CALD1: variants seen among roughly 807,000 people sequenced by gnomAD.
CALD1 encodes caldesmon.
A neutral mutation model predicts 99.9 loss-of-function variants in CALD1; 33 were observed. That is an observed-to-expected ratio of 0.33 (90% CI 0.25 to 0.44). The LOEUF is 0.44. CALD1 is among the 20% of genes least tolerant of loss of function. The probability of loss-of-function intolerance (pLI) is 1.00; values close to 1 mark genes in which losing one functional copy is unlikely to be tolerated. For synonymous variants in CALD1, 310 were observed against 325.0 expected, an observed-to-expected ratio of 0.95 and a Z score of 0.50; for missense variants, 861 against 962.1, an observed-to-expected ratio of 0.89 and a Z score of 1.39.
At chr7:134,920,834 GA>G in intron 3 of CALD1, 1 of 470,176 alleles carries the variant, frequency 2.1e-6, no homozygotes, top group Non-Finnish European at 3.8e-6. Context: ...CAAAATATAG[GA>G]ATGTGCAGAA....
intron 1 of CALD1, among the ~76,000 whole-genome samples, chr7:134,760,228 T>C (rs1043092034): frequency 2.4e-4 from 36 of 152,092 alleles, no homozygotes; most frequent in African/African-American, 8.7e-4. Context: ...TGGTAGGAAA[T>C]CAAATGTGAG....
At chr7:134,808,799 C>T (rs1798248073) in intron 1 of CALD1, among the ~76,000 whole-genome samples, 1 of 152,156 alleles carries the variant, frequency 6.6e-6, no homozygotes, top group South Asian at 2.1e-4. Context: ...GTGTGTACTC[C>T]TGACTAGAGT....
intron 3 of CALD1, among the ~76,000 whole-genome samples, chr7:134,884,619 C>T (rs1801763421): frequency 7.5e-6 from 1 of 133,260 alleles, no homozygotes; most frequent in South Asian, 2.7e-4. Context: ...TGGTGCAGAA[C>T]TGTTATGAAT....
At chr7:134,733,943 T>C in the CALD1 span, among the ~76,000 whole-genome samples, 14 of 151,374 alleles carry the variant, frequency 9.2e-5, no homozygotes, top group African/African-American at 2.7e-4. Context: ...ATAACTTATA[T>C]AGTATAAATT....
At chr7:134,723,486 A>G in the CALD1 span, among the ~76,000 whole-genome samples, 5 of 148,398 alleles carry the variant, frequency 3.4e-5, no homozygotes, top group Middle Eastern at 3.6e-3. Context: ...CAATATTCCC[A>G]TTTGATTCAC....
At chr7:134,921,395 T>C (rs766267753) in intron 3 of CALD1, among the ~76,000 whole-genome samples, 4 of 152,250 alleles carry the variant, frequency 2.6e-5, no homozygotes, top group Admixed American at 2.0e-4. Context: ...TTAGAAACCA[T>C]TGCAATACAA....
intron 1 of CALD1, among the ~76,000 whole-genome samples, chr7:134,767,228 T>TGTGC (rs1554423058): frequency 3.8e-4 from 57 of 149,328 alleles, no homozygotes; most frequent in Middle Eastern, 3.4e-3. Flanking sequence ...TGTGTGTGCG[T>TGTGC]GTGTGACATA....
chr7:134,925,091 A>G (rs188925946), intron 3 of CALD1, among the ~76,000 whole-genome samples: 2 of 152,322 alleles, frequency 1.3e-5, no homozygotes, highest in Admixed American at 6.5e-5. Context: ...ACGGACTAAT[A>G]CACTCTAGTA....
chr7:134,711,680 A>ATATATATGTGTG, the CALD1 span, among the ~76,000 whole-genome samples: 11 of 109,586 alleles, frequency 1.0e-4, no homozygotes, highest in African/African-American at 3.5e-4. Context: ...ATATATATAT[A>ATATATATGTGTG]TGTGTGTGTG....
At chr7:134,762,720 G>A (rs990046124) in intron 1 of CALD1, among the ~76,000 whole-genome samples, 1 of 152,036 alleles carries the variant, frequency 6.6e-6, no homozygotes, top group African/African-American at 2.4e-5. Context: ...GATCTCGAGA[G>A]CACTCACTCA....
intron 3 of CALD1, among the ~76,000 whole-genome samples, chr7:134,871,604 T>G (rs1448688480): frequency 2.6e-5 from 4 of 152,194 alleles, no homozygotes; most frequent in Non-Finnish European, 5.9e-5. Context: ...TATGGGTTCA[T>G]ACTTATTAGA....
At chr7:134,854,695 G>C (rs1446998136) in intron 2 of CALD1, among the ~76,000 whole-genome samples, 2 of 152,128 alleles carry the variant, frequency 1.3e-5, no homozygotes, top group African/African-American at 4.8e-5. Context: ...CCATAGCTTA[G>C]GATTTTTTTC....
intron 3 of CALD1, among the ~76,000 whole-genome samples, chr7:134,888,253 A>G (rs1801974275): frequency 6.6e-6 from 1 of 152,150 alleles, no homozygotes; most frequent in Admixed American, 6.5e-5. Context: ...TTTTCCTAGT[A>G]AGAGTCCTGA....
intron 2 of CALD1, among the ~76,000 whole-genome samples, chr7:134,862,661 G>C (rs910819198): frequency 6.6e-6 from 1 of 152,112 alleles, no homozygotes; most frequent in Non-Finnish European, 1.5e-5. Context: ...CATGACATTC[G>C]GTATTTGGTG....
chr7:134,782,597 T>C (rs1474002397), intron 1 of CALD1, among the ~76,000 whole-genome samples: 1 of 152,230 alleles, frequency 6.6e-6, no homozygotes, highest in East Asian at 1.9e-4. Flanking sequence ...AATCATCAGC[T>C]TTTGACTTCA....
At chr7:134,750,873 T>C (rs916935102) in intron 1 of CALD1, among the ~76,000 whole-genome samples, 3 of 152,208 alleles carry the variant, frequency 2.0e-5, no homozygotes, top group Non-Finnish European at 4.4e-5. Flanking sequence ...CTCCACAGTG[T>C]TTCTGTTTTT....
At chr7:134,911,739 A>G (rs1803828921) in intron 3 of CALD1, among the ~76,000 whole-genome samples, 1 of 152,228 alleles carries the variant, frequency 6.6e-6, no homozygotes, top group South Asian at 2.1e-4. Context: ...TTAATGCCAT[A>G]TGCCTTTCTT....
chr7:134,722,656 G>T, the CALD1 span, among the ~76,000 whole-genome samples: 4 of 152,136 alleles, frequency 2.6e-5, no homozygotes, highest in East Asian at 7.7e-4. Context: ...TCCTGACCTC[G>T]TGATCTGCCC....
chr7:134,908,420 C>T (rs1208601975), intron 3 of CALD1, among the ~76,000 whole-genome samples: 5 of 152,282 alleles, frequency 3.3e-5, no homozygotes, highest in South Asian at 2.1e-4. Context: ...TGTCTGATCA[C>T]TAAATACCTG....
Sources: gnomAD v4.1 joint callset for allele counts (sites outside exome capture counted in the v4.1 genomes callset) on GRCh38, gnomAD v4.1.1 for gene constraint, MANE v1.5 for transcripts, NCBI Gene and HGNC (gene_info 2026-07-23, HGNC 2026-07-21) for gene names.